Variants in NALF1 observed in about 807,000 individuals in gnomAD.
NALF1 encodes family with sequence similarity 155 member A.
Under a neutral mutation model 48.4 loss-of-function variants are expected in NALF1, and 3 were observed. That is an observed-to-expected ratio of 0.06 (90% CI 0.03 to 0.16). The LOEUF (loss-of-function observed/expected upper bound fraction) is 0.16. Among genes scored for constraint, NALF1 ranks in the 10% least tolerant of loss-of-function variants. The pLI is 1.00. For missense variants in NALF1, 526 were observed against 571.5 expected, an observed-to-expected ratio of 0.92 and a Z score of 0.81; for synonymous variants, 262 against 245.7, an observed-to-expected ratio of 1.07 and a Z score of -0.62.
In NALF1 at chr13:107,392,924, G is replaced by A. The variant is rs1196022550; in HGVS notation, c.916-182169C>T. Among the ~76,000 whole-genome samples the A allele has an allele frequency of 2.0e-5, 3 of 152,044 alleles. No homozygotes were observed. The East Asian group carries it at 5.8e-4, about 29-fold the overall frequency. On this transcript the variant is annotated intron_variant, in intron 1 of 2. Coordinates refer to ENST00000375915, the MANE Select transcript of NALF1 (RefSeq NM_001080396.3). ...CTCCATTTTAACAACCTGTTATTCT[G>A]AGATTGCAAGAAGGATCTAACCACA... is the stretch of plus-strand genomic sequence containing the variant.
At chr13:107,188,851 T>C (rs1425386002) in intron 2 of NALF1, among the ~76,000 whole-genome samples, 2 of 152,178 alleles carry the variant, frequency 1.3e-5, no homozygotes, top group Non-Finnish European at 2.9e-5. Context: ...ATGAATTGAA[T>C]GTAGTAGAAC....
intron 1 of NALF1, among the ~76,000 whole-genome samples, chr13:107,523,357 A>G (rs7995777): frequency 0.04 from 6,125 of 152,180 alleles, 439 homozygotes; most frequent in African/African-American, 0.14. Flanking sequence ...CCACTGCACA[A>G]TAAGAAATTT....
At chr13:107,605,503 TTG>T (rs1314079271) in intron 1 of NALF1, among the ~76,000 whole-genome samples, 2 of 152,226 alleles carry the variant, frequency 1.3e-5, no homozygotes, top group African/African-American at 4.8e-5. Context: ...TATCATGTTT[TTG>T]TTTTTATTAT....
At chr13:107,377,567 T>G (rs796459388) in intron 1 of NALF1, among the ~76,000 whole-genome samples, 18 of 151,968 alleles carry the variant, frequency 1.2e-4, no homozygotes, top group African/African-American at 4.3e-4. Context: ...AGCCCAAGAG[T>G]TCGAAACCAG....
intron 2 of NALF1, among the ~76,000 whole-genome samples, chr13:107,194,957 T>C (rs142767805): frequency 6.6e-6 from 1 of 152,206 alleles, no homozygotes; most frequent in Non-Finnish European, 1.5e-5. Flanking sequence ...CCAACAAAGA[T>C]AAGAAAACCT....
At chr13:107,357,184 C>T (rs1882977961) in intron 1 of NALF1, among the ~76,000 whole-genome samples, 1 of 152,186 alleles carries the variant, frequency 6.6e-6, no homozygotes, top group Non-Finnish European at 1.5e-5. Flanking sequence ...CCCAGTTCCA[C>T]ATGGCTGTGG....
chr13:107,836,239 C>A (rs1879885136), intron 1 of NALF1, among the ~76,000 whole-genome samples: 3 of 152,110 alleles, frequency 2.0e-5, no homozygotes, highest in Admixed American at 6.5e-5. Flanking sequence ...AATCTGCCCC[C>A]CTTGGCATCC....
At chr13:107,211,823 A>G (rs1879767901) in intron 1 of NALF1, among the ~76,000 whole-genome samples, 1 of 152,210 alleles carries the variant, frequency 6.6e-6, no homozygotes, top group Non-Finnish European at 1.5e-5. Context: ...AATAGCTGGT[A>G]TTTATCAACT....
At chr13:107,504,288 A>G (rs1875623146) in intron 1 of NALF1, among the ~76,000 whole-genome samples, 1 of 151,130 alleles carries the variant, frequency 6.6e-6, no homozygotes, top group South Asian at 2.1e-4. Context: ...TCTGTTACCC[A>G]TGGGCAGGGA....
At position 107,176,425 on chromosome 13, in the gene NALF1, G is replaced by A. The variant is rs577770771; in HGVS notation, c.1088-5639C>T. On this transcript the variant is annotated intron_variant, in intron 2 of 2. Coordinates refer to ENST00000375915, the MANE Select transcript of NALF1 (RefSeq NM_001080396.3). ...TGGGAGGTCGAGGCAGGCAGATCAC[G>A]AGGTCAGGAGATCGAGACCATCCTG... 3.6e-4 allele frequency among the ~76,000 whole-genome samples: 54 copies of A among 150,616 alleles called. 1 individual carries two copies. The highest frequency in any genetic ancestry group is 1.2e-3 in the African/African-American group (50 of 40,924).
chr13:107,844,945 A>T (rs984167384), intron 1 of NALF1, among the ~76,000 whole-genome samples: 1 of 152,208 alleles, frequency 6.6e-6, no homozygotes, highest in African/African-American at 2.4e-5. Flanking sequence ...CAAATATATC[A>T]ATTTAACAAA....
chr13:107,647,557 T>C (rs1227311216), intron 1 of NALF1, among the ~76,000 whole-genome samples: 3 of 151,948 alleles, frequency 2.0e-5, no homozygotes, highest in Admixed American at 2.0e-4. Flanking sequence ...CCATGAAACC[T>C]TAATAACATA....
intron 1 of NALF1, among the ~76,000 whole-genome samples, chr13:107,406,649 G>T (rs755140028): frequency 5.9e-5 from 9 of 151,798 alleles, no homozygotes; most frequent in Non-Finnish European, 1.2e-4. Context: ...TTAATAGAAT[G>T]CCATTCTTTA....
At chr13:107,478,729 A>G (rs1885210046) in intron 1 of NALF1, among the ~76,000 whole-genome samples, 1 of 152,042 alleles carries the variant, frequency 6.6e-6, no homozygotes, top group African/African-American at 2.4e-5. Flanking sequence ...ATTTGTTTTT[A>G]TAATTTTTTT....
At chr13:107,639,619 G>A (rs1301705614) in intron 1 of NALF1, among the ~76,000 whole-genome samples, 1 of 88,022 alleles carries the variant, frequency 1.1e-5, no homozygotes, top group African/African-American at 3.1e-5. Context: ...GTTTAGGAAT[G>A]TATGCTCTCC....
In NALF1 at chr13:107,360,343, T is replaced by A. The variant is rs114855696; in HGVS notation, c.916-149588A>T. ...CCCAAAGAATTCAGACCCCAAATTG[T>A]ATTACTCTTCACTTCAAGATCAAAA... On this transcript the variant is annotated intron_variant, in intron 1 of 2. Transcript: ENST00000375915. Among the ~76,000 whole-genome samples, 1,228 of 152,236 alleles carry A rather than the reference T, an allele frequency of 8.1e-3. 21 individuals carry two copies. Among genetic ancestry groups the A allele is most frequent in the African/African-American group, 0.028 (1,171 of 41,556 alleles).
At chr13:107,357,894 G>A (rs560864483) in intron 1 of NALF1, among the ~76,000 whole-genome samples, 39 of 152,232 alleles carry the variant, frequency 2.6e-4, no homozygotes, top group African/African-American at 8.9e-4. Context: ...ATAATTCAGG[G>A]GTCATTGCGA....
At chr13:107,431,783 A>T (rs1884386042) in intron 1 of NALF1, among the ~76,000 whole-genome samples, 1 of 152,084 alleles carries the variant, frequency 6.6e-6, no homozygotes, top group South Asian at 2.1e-4. Context: ...TTCTGTGAGG[A>T]AAATTAAGTC....
At chr13:107,669,597 G>A (rs1880943563) in intron 1 of NALF1, among the ~76,000 whole-genome samples, 1 of 152,184 alleles carries the variant, frequency 6.6e-6, no homozygotes, top group Admixed American at 6.6e-5. Flanking sequence ...AGCAGAGCTT[G>A]TGTGAGCTCA....
Sources: gnomAD v4.1 joint callset for allele counts (sites outside exome capture counted in the v4.1 genomes callset) on GRCh38, gnomAD v4.1.1 for gene constraint, MANE v1.5 for transcripts, NCBI Gene and HGNC (gene_info 2026-07-23, HGNC 2026-07-21) for gene names.